The following NUP214 variants were observed in gnomAD, a reference collection of about 807,000 sequenced individuals.
NUP214 encodes nuclear pore complex protein Nup214.
NUP214 carries 79 observed loss-of-function variants against 196.2 expected under a neutral mutation model. The observed-to-expected ratio is 0.40, with a 90% CI of 0.34 to 0.49. The LOEUF is 0.49. Ranked by LOEUF, NUP214 falls within the 20% of genes least tolerant of loss-of-function variation. NUP214 has a pLI of 0.58. For missense variants in NUP214, 2,468 were observed against 2,539.0 expected (o/e 0.97, Z 0.60); for synonymous variants, 1,020 against 990.5 (o/e 1.03, Z -0.56).
chr9:131,215,586 G>T (rs1834370583), intron 31 of NUP214, among the ~76,000 whole-genome samples: 2 of 152,014 alleles, frequency 1.3e-5, no homozygotes, highest in Non-Finnish European at 1.5e-5. Context: ...CAGAGCTGCA[G>T]GGAGAGGATC....
intron 17 of NUP214, chr9:131,159,105 A>T: frequency 2.7e-6 from 1 of 373,844 alleles, no homozygotes; most frequent in Non-Finnish European, 4.7e-6. Flanking sequence ...TTAGAGACAG[A>T]GTCTTGCTGT....
intron 9 of NUP214, 74 bp downstream of exon 9, chr9:131,136,080 G>T (rs1295384480): frequency 1.1e-5 from 14 of 1,276,848 alleles, no homozygotes; most frequent in Non-Finnish European, 3.4e-6. Flanking sequence ...TCGCTCTGTT[G>T]TCCAGGCTGG....
At chr9:131,204,647 C>T (rs1277226909) in intron 30 of NUP214, among the ~76,000 whole-genome samples, 1 of 152,110 alleles carries the variant, frequency 6.6e-6, no homozygotes, top group Non-Finnish European at 1.5e-5. Context: ...GAATGCATCA[C>T]AGAGAGCGAA....
In NUP214 at chr9:131,228,253, C is replaced by T; in HGVS notation, c.5996C>T (p.Ala1999Val). 6.2e-7 allele frequency: 1 copy of T among 1,605,448 alleles called. No homozygotes were observed. The highest frequency in any genetic ancestry group is 8.5e-7 in the Non-Finnish European group (1 of 1,177,204). ...GTGCCAGCATTCGGTTCAGCCCCAG[C>T]CTTTACAAGCCCTCTGGGCTCGACG... is the stretch of plus-strand genomic sequence containing the variant. ...GGVPAFGSAP[A>V]FTSPLGSTGG... The change falls in exon 33 of 36, where the codon GCC becomes GTC. Residue 1999 changes from alanine to valine, a missense_variant. Transcript: ENST00000359428.
rs542505081 is a variant in NUP214 at position 131,133,931 on chromosome 9, TTTG to T, written c.831+734_831+736del. Reference sequence around the variant, plus strand: ...ATGGGCTTGCTTTTATGGTTTTAAGTTTGTTGTTGTTGTTAATTTTTATTTATT... The same window carrying T: ...ATGGGCTTGCTTTTATGGTTTTAAGTTTGTTGTTGTTAATTTTTATTTATT... On this transcript the variant is annotated intron_variant, in intron 7 of 35. Transcript: ENST00000359428. Among the ~76,000 whole-genome samples the T allele has an allele frequency of 2.5e-3, 380 of 152,058 alleles. 3 individuals are homozygous for T. The highest frequency in any genetic ancestry group is 8.5e-3 in the African/African-American group (354 of 41,490).
At chr9:131,130,149 T>TG (rs2133446856) in intron 4 of NUP214, among the ~76,000 whole-genome samples, 1 of 108,656 alleles carries the variant, frequency 9.2e-6, no homozygotes, top group South Asian at 3.6e-4. Flanking sequence ...TTTTTTTTTT[T>TG]TGTTTTTTTT....
At chr9:131,177,391 C>G (rs1021980375) in intron 23 of NUP214, among the ~76,000 whole-genome samples, 3 of 152,144 alleles carry the variant, frequency 2.0e-5, no homozygotes. Flanking sequence ...AGTCAATGAT[C>G]TGTAAAACGT....
rs111892236 is a variant in NUP214, at chr9:131,226,385, C to T, written c.5903-1775C>T. 5.5e-3 allele frequency among the ~76,000 whole-genome samples: 835 copies of T among 152,204 alleles called. 3 individuals are homozygous for T. Among genetic ancestry groups the T allele is most frequent in the Middle Eastern group, 0.01 (3 of 294 alleles). ...ACTGTTTTCTTCCTGTTTAATTTGGCTGTGACCCAGGTGTGTTGTTTGGGG... is the reference window on the plus strand; with the variant it reads ...ACTGTTTTCTTCCTGTTTAATTTGGTTGTGACCCAGGTGTGTTGTTTGGGG... On this transcript the variant is annotated intron_variant, in intron 32 of 35. Transcript: ENST00000359428.
Position 131,144,700 on chromosome 9 carries a change from T to G in NUP214, c.1715T>G (p.Met572Arg), listed in dbSNP as rs375772869. The G allele has an allele frequency of 6.2e-7, 1 of 1,613,978 alleles. No individual in the cohort carries two copies. The highest frequency in any genetic ancestry group is 1.3e-5 in the African/African-American group (1 of 75,040). Residue 572 changes from methionine to arginine, a missense_variant, in exon 12 of 36, where the codon ATG becomes AGG. Transcript: ENST00000359428. ...VPSVSAPNIAMKPSFPPSTSA... is the reference protein window; with the variant it reads ...VPSVSAPNIARKPSFPPSTSA... ...AGTGTGTCTGCTCCAAATATAGCAA[T>G]GAAGCCCTCCTTCCCACCCTCAACC...
rs536315990 is a variant in NUP214, at chr9:131,185,162, G to A, written c.3420-2127G>A. 2.6e-5 allele frequency among the ~76,000 whole-genome samples: 4 copies of A among 152,336 alleles called. 1 individual carries two copies. Among genetic ancestry groups the A allele is most frequent in the South Asian group, 4.1e-4 (2 of 4,830 alleles). On this transcript the variant is annotated intron_variant, in intron 24 of 35. Transcript: ENST00000359428. ...GGAGGGATCAATAGCAAAGGGCCTA[G>A]GTGACATTTTAATGCTTCACAACCC...
At chr9:131,181,831 A>AT (rs1418252458) in intron 24 of NUP214, among the ~76,000 whole-genome samples, 6 of 152,098 alleles carry the variant, frequency 3.9e-5, no homozygotes, top group Admixed American at 3.9e-4. Flanking sequence ...CAGTTTATCT[A>AT]TTTTTTCTTT....
chr9:131,149,738 A>G (rs1016349332), intron 14 of NUP214, among the ~76,000 whole-genome samples: 2 of 152,056 alleles, frequency 1.3e-5, no homozygotes, highest in African/African-American at 4.8e-5. Context: ...ATAGAACCCA[A>G]ACTCCTTGGT....
chr9:131,154,547 G>A (rs751917281), intron 17 of NUP214, among the ~76,000 whole-genome samples: 10 of 152,088 alleles, frequency 6.6e-5, no homozygotes, highest in African/African-American at 2.2e-4. Flanking sequence ...CTCTTTCACC[G>A]TGTTGGCCAG....
Position 131,215,197 on chromosome 9 carries a change from C to T in NUP214, c.5593-15C>T. ...CTCTCATCCTATCTTGCTTCCTGAC[C>T]CTTTTGTTTTTTAGCAATCATCCTC... On this transcript the variant is annotated splice_polypyrimidine_tract_variant and intron_variant, in intron 30 of 35. Transcript: ENST00000359428. 2.0e-6 allele frequency: 3 copies of T among 1,507,500 alleles called. No individual in the cohort carries two copies. Among genetic ancestry groups the T allele is most frequent in the Non-Finnish European group, 2.7e-6 (3 of 1,127,646 alleles). 93.4% of individuals were successfully genotyped at this position (1,507,500 alleles called of 1,614,324 possible).
chr9:131,130,151 G>GTTTTTTTTTTT (rs56836232), intron 4 of NUP214, among the ~76,000 whole-genome samples: 1 of 109,218 alleles, frequency 9.2e-6, no homozygotes, highest in Admixed American at 1.1e-4. Context: ...TTTTTTTTTT[G>GTTTTTTTTTTT]TTTTTTTTTT....
chr9:131,196,798 T>G (rs1833802391), intron 28 of NUP214, among the ~76,000 whole-genome samples: 1 of 152,144 alleles, frequency 6.6e-6, no homozygotes, highest in Non-Finnish European at 1.5e-5. Flanking sequence ...CTCATAAAAA[T>G]GAAGGAAGAA....
At position 131,151,774 on chromosome 9, in the gene NUP214, A is replaced by G; in HGVS notation, c.2316A>G (p.Leu772=). Residue 772 remains leucine, a synonymous_variant, in exon 17 of 36, where the codon TTA becomes TTG. Transcript: ENST00000359428. Reference sequence around the variant, plus strand: ...ATATAAGTAGCCTGAAAACAACTTTACTTGAGGGCTTTGCTGGTGTTGAGG... The same window carrying G: ...ATATAAGTAGCCTGAAAACAACTTTGCTTGAGGGCTTTGCTGGTGTTGAGG... ...HGDISSLKTT[L]LEGFAGVEEA... 1.2e-6 allele frequency: 2 copies of G among 1,613,280 alleles called. No individual in the cohort carries two copies. The highest frequency in any genetic ancestry group is 8.5e-7 in the Non-Finnish European group (1 of 1,179,872).
intron 17 of NUP214, among the ~76,000 whole-genome samples, chr9:131,154,762 A>G (rs1311545974): frequency 1.3e-5 from 2 of 152,240 alleles, no homozygotes; most frequent in Non-Finnish European, 2.9e-5. Flanking sequence ...AATGGTCTCC[A>G]GCTCCATCTA....
intron 21 of NUP214, among the ~76,000 whole-genome samples, chr9:131,173,108 G>A (rs1193989956): frequency 6.6e-6 from 1 of 152,180 alleles, no homozygotes; most frequent in East Asian, 1.9e-4. Flanking sequence ...CCAGGCTGCA[G>A]TGCAATGGTG....
Sources: allele counts gnomAD v4.1 joint callset (sites outside exome capture counted in the v4.1 genomes callset), GRCh38; gene constraint gnomAD v4.1.1; transcripts MANE v1.5; gene names NCBI Gene and HGNC (gene_info 2026-07-23, HGNC 2026-07-21).